The following RABEP1 variants were observed in gnomAD, a reference collection of about 807,000 sequenced individuals.
RABEP1 encodes rabaptin, RAB GTPase binding effector protein 1.
A neutral mutation model predicts 123.4 loss-of-function variants in RABEP1; 51 were observed. The ratio of observed to expected loss-of-function variants is 0.41; its 90% confidence interval spans 0.33 to 0.52. The LOEUF is 0.52. Ranked by LOEUF, RABEP1 falls within the 20% of genes least tolerant of loss-of-function variation. The pLI is 0.16. For missense variants in RABEP1, 888 were observed against 996.3 expected (o/e 0.89, Z 1.46); for synonymous variants, 347 against 355.2 (o/e 0.98, Z 0.26).
chr17:5,333,072 T>A (rs1906719221), intron 3 of RABEP1, among the ~76,000 whole-genome samples: 1 of 152,204 alleles, frequency 6.6e-6, no homozygotes, highest in Non-Finnish European at 1.5e-5. Flanking sequence ...GCACTAGTGC[T>A]GAATTACTTC....
chr17:5,310,162 C>CT (rs1434487707), intron 2 of RABEP1, among the ~76,000 whole-genome samples: 1 of 152,118 alleles, frequency 6.6e-6, no homozygotes, highest in East Asian at 1.9e-4. Flanking sequence ...CCTTTTTTAA[C>CT]TTATGAACTC....
chr17:5,370,703 C>G (rs988091076), intron 12 of RABEP1, among the ~76,000 whole-genome samples: 2 of 152,268 alleles, frequency 1.3e-5, no homozygotes, highest in East Asian at 1.9e-4. Flanking sequence ...TAATGAGGCA[C>G]GTTAATGATG....
At chr17:5,381,264 G>A in intron 16 of RABEP1, 125 bp from the exon 17 acceptor site, 4 of 1,372,464 alleles carry the variant, frequency 2.9e-6, no homozygotes, top group East Asian at 2.6e-5. Flanking sequence ...GATTGGTCGT[G>A]TATAGGAGTG....
intron 4 of RABEP1, among the ~76,000 whole-genome samples, chr17:5,337,680 G>A (rs548824363): frequency 1.4e-4 from 22 of 152,076 alleles, no homozygotes; most frequent in African/African-American, 4.6e-4. Flanking sequence ...GTGACAGAGC[G>A]AGACTCCGTC....
At chr17:5,331,136 A>G (rs2144596942) in intron 2 of RABEP1, among the ~76,000 whole-genome samples, 1 of 151,154 alleles carries the variant, frequency 6.6e-6, no homozygotes, top group African/African-American at 2.4e-5. Context: ...ATGCTCTTAC[A>G]GATCAGAAGG....
chr17:5,369,764 A>G (rs975833245), intron 12 of RABEP1, among the ~76,000 whole-genome samples: 1 of 151,452 alleles, frequency 6.6e-6, no homozygotes, highest in African/African-American at 2.4e-5. Flanking sequence ...GTAATGGCGC[A>G]ATCTCGGCTC....
intron 10 of RABEP1, 71 bp downstream of exon 10, chr17:5,363,087 C>G (rs1391750023): frequency 7.2e-6 from 8 of 1,109,758 alleles, no homozygotes; most frequent in Admixed American, 7.0e-5. Flanking sequence ...AATTGCCCCC[C>G]TCTCCGGCCC....
At chr17:5,339,428 C>G (rs1448689160) in intron 5 of RABEP1, among the ~76,000 whole-genome samples, 1 of 152,098 alleles carries the variant, frequency 6.6e-6, no homozygotes, top group Non-Finnish European at 1.5e-5. Flanking sequence ...AGAATTACTT[C>G]AACCCAAAAG....
intron 5 of RABEP1, among the ~76,000 whole-genome samples, chr17:5,338,560 TTC>T (rs1868851742): frequency 1.3e-5 from 2 of 152,130 alleles, no homozygotes; most frequent in Admixed American, 1.3e-4. Context: ...AGGAGCGAAA[TTC>T]TGTCTCAATA....
At position 5,385,386 on chromosome 17, in the gene RABEP1, C is replaced by T. The variant is rs1296790288; in HGVS notation, c.*2163C>T. The T allele has an allele frequency of 4.3e-6, 1 of 230,490 alleles. No individual in the cohort carries two copies. The highest frequency in any genetic ancestry group is 6.2e-5 in the East Asian group (1 of 16,204). 14.3% of individuals were successfully genotyped at this position (230,490 alleles called of 1,614,324 possible). A position where few individuals can be genotyped will look rare whatever the true frequency, so the allele number is the denominator to read the frequency against. On this transcript the variant is annotated 3_prime_UTR_variant, in exon 18 of 18. Transcript: ENST00000537505. ...TGTGCCTACATGTTCTCATGCATGT[C>T]TAACCTGATTTACCTCTTACCTGTA...
At chr17:5,308,868 A>G (rs766457414) in intron 2 of RABEP1, 46 bp downstream of exon 2, 2 of 1,509,884 alleles carry the variant, frequency 1.3e-6, no homozygotes, top group Non-Finnish European at 1.8e-6. Context: ...AAACTGCCTT[A>G]AAGTGTTGAG....
At position 5,323,745 on chromosome 17, in the gene RABEP1, TATATATATCTA is replaced by T. The variant is rs1905642897; in HGVS notation, c.164-8203_164-8193del. On this transcript the variant is annotated intron_variant, in intron 2 of 17. Coordinates refer to ENST00000537505, the MANE Select transcript of RABEP1 (RefSeq NM_004703.6). The stretch of plus-strand genomic sequence containing the variant: ...AGGAATATATATATATCTAGGAATA[TATATATATCTA>T]GGAATATATATATATATCTAGGAAT... Among the ~76,000 whole-genome samples, 5 of 129,750 alleles carry T rather than the reference TATATATATCTA, an allele frequency of 3.9e-5. 1 individual carries two copies. The highest frequency in any genetic ancestry group is 3.5e-4 in the Admixed American group (4 of 11,424). The allele number at this position is 129,750 out of a possible 152,430, so 85.1% of individuals were successfully genotyped here.
intron 11 of RABEP1, among the ~76,000 whole-genome samples, chr17:5,368,093 A>G (rs916041512): frequency 1.3e-4 from 20 of 152,042 alleles, no homozygotes; most frequent in African/African-American, 4.8e-4. Context: ...CATAGCTACA[A>G]CTAGGTCACG....
Position 5,368,355 on chromosome 17 carries a change from T to C in RABEP1, c.1786-15T>C. 1 of 1,543,340 alleles carries C rather than the reference T, an allele frequency of 6.5e-7. No homozygotes were observed. Among genetic ancestry groups the C allele is most frequent in the East Asian group, 2.2e-5 (1 of 44,570 alleles). On this transcript the variant is annotated splice_polypyrimidine_tract_variant and intron_variant, in intron 11 of 17. Coordinates refer to ENST00000537505, the MANE Select transcript of RABEP1 (RefSeq NM_004703.6). The stretch of plus-strand genomic sequence containing the variant: ...GATTTCCTAACTATGTTTCTATACA[T>C]GTGTTTTTTTAAAGATCTCTGCACT...
In RABEP1 at chr17:5,383,966, C is replaced by CA. The variant is rs1418343380; in HGVS notation, c.*744dup. ...TTTTTCTGCATACTTAGATGATCTT[C>CA]ATGGGCCCACAGGGTACCAGGATAA... is the stretch of plus-strand genomic sequence containing the variant. On this transcript the variant is annotated 3_prime_UTR_variant, in exon 18 of 18. Transcript: ENST00000537505. 5.3e-6 allele frequency: 1 copy of CA among 186,922 alleles called. No individual in the cohort carries two copies. The highest frequency in any genetic ancestry group is 3.0e-5 in the African/African-American group (1 of 33,840). The allele number at this position is 186,922 out of a possible 1,614,324, so 11.6% of individuals were successfully genotyped here.
intron 1 of RABEP1, among the ~76,000 whole-genome samples, chr17:5,292,324 A>G (rs76990594): frequency 0.058 from 8,867 of 152,034 alleles, 374 homozygotes; most frequent in Middle Eastern, 0.092. Flanking sequence ...AAATATATAT[A>G]TTGGCCATTT....
At chr17:5,317,819 A>G (rs576609213) in intron 2 of RABEP1, among the ~76,000 whole-genome samples, 1 of 152,236 alleles carries the variant, frequency 6.6e-6, no homozygotes, top group Admixed American at 6.5e-5. Flanking sequence ...TTCCAACCCT[A>G]CCTCCCAACC....
chr17:5,338,646 A>G (rs576474205), intron 5 of RABEP1, among the ~76,000 whole-genome samples: 149 of 152,308 alleles, frequency 9.8e-4, no homozygotes, highest in African/African-American at 3.3e-3. Flanking sequence ...AATAATCACA[A>G]TAATGATGTT....
intron 11 of RABEP1, among the ~76,000 whole-genome samples, chr17:5,366,421 A>G (rs1910002233): frequency 6.6e-6 from 1 of 152,036 alleles, no homozygotes; most frequent in Non-Finnish European, 1.5e-5. Context: ...TAGGTGTTGC[A>G]GGTGTCTTTT....
Sources: allele counts gnomAD v4.1 joint callset (sites outside exome capture counted in the v4.1 genomes callset), GRCh38; gene constraint gnomAD v4.1.1; transcripts MANE v1.5; gene names NCBI Gene and HGNC (gene_info 2026-07-23, HGNC 2026-07-21).